IGF2BP3: variants seen among roughly 807,000 people sequenced by gnomAD.
IGF2BP3 encodes insulin like growth factor 2 mRNA binding protein 3, also known as insulin-like growth factor 2 mRNA-binding protein 3.
IGF2BP3 carries 9 observed loss-of-function variants against 73.8 expected under a neutral mutation model. The observed-to-expected ratio is 0.12, with a 90% confidence interval of 0.07 to 0.21. The LOEUF (loss-of-function observed/expected upper bound fraction) is 0.21, where lower values mean the gene tolerates loss of function less well. Among genes scored for constraint, IGF2BP3 ranks in the 10% least tolerant of loss-of-function variants. IGF2BP3 has a pLI of 1.00. For missense variants in IGF2BP3, 542 were observed against 714.0 expected (o/e 0.76, Z 2.75); for synonymous variants, 258 against 256.7 (o/e 1.01, Z -0.05).
At chr7:23,386,342 G>C (rs1786080818) in intron 3 of IGF2BP3, among the ~76,000 whole-genome samples, 1 of 152,138 alleles carries the variant, frequency 6.6e-6, no homozygotes, top group Non-Finnish European at 1.5e-5. Context: ...TTCAAGGACT[G>C]AAGCAGCAAT....
intron 1 of IGF2BP3, among the ~76,000 whole-genome samples, chr7:23,468,777 G>A (rs1030872968): frequency 6.6e-6 from 1 of 152,186 alleles, no homozygotes; most frequent in African/African-American, 2.4e-5. Flanking sequence ...TTGGGTATCA[G>A]TCCAGTCTCC....
chr7:23,457,137 C>T (rs1352067207), intron 2 of IGF2BP3, among the ~76,000 whole-genome samples: 1 of 152,090 alleles, frequency 6.6e-6, no homozygotes, highest in Non-Finnish European at 1.5e-5. Flanking sequence ...TTTGACATAA[C>T]AATTCCCAGT....
At chr7:23,465,727 C>T (rs935365968) in intron 2 of IGF2BP3, among the ~76,000 whole-genome samples, 9 of 152,166 alleles carry the variant, frequency 5.9e-5, no homozygotes, top group African/African-American at 2.2e-4. Context: ...CTCAGATGCC[C>T]ACATGATGAT....
chr7:23,319,351 G>T, intron 10 of IGF2BP3, 97 bp from the exon 11 acceptor site: 1 of 727,182 alleles, frequency 1.4e-6, no homozygotes, highest in South Asian at 1.8e-5. Flanking sequence ...CATGCAGTAG[G>T]AATACCAGGA....
intron 10 of IGF2BP3, among the ~76,000 whole-genome samples, chr7:23,331,545 A>C (rs1161726122): frequency 2.0e-5 from 3 of 152,134 alleles, no homozygotes; most frequent in African/African-American, 4.8e-5. Flanking sequence ...AACAAACAAA[A>C]AAAGAACTAC....
chr7:23,436,057 A>T (rs1229745887), intron 2 of IGF2BP3, among the ~76,000 whole-genome samples: 1 of 152,278 alleles, frequency 6.6e-6, no homozygotes, highest in Non-Finnish European at 1.5e-5. Context: ...TGCCCGGCCA[A>T]CATCTAAATT....
Position 23,347,689 on chromosome 7 carries a change from C to G in IGF2BP3, c.729G>C (p.Ser243=). The G allele has an allele frequency of 6.2e-7, 1 of 1,614,026 alleles. No homozygotes were observed. The highest frequency in any genetic ancestry group is 8.5e-7 in the Non-Finnish European group (1 of 1,180,016). ...CTTCAGGAGTAGAGAGGATAGTAATCGACTTCTCAGCAGCCCCCGCATTTT... is the reference window on the plus strand; with the variant it reads ...CTTCAGGAGTAGAGAGGATAGTAATGGACTTCTCAGCAGCCCCCGCATTTT... ...RKENAGAAEK[S]ITILSTPEGT... The change falls in exon 7 of 15, where the codon TCG becomes TCC. Residue 243 remains serine (S), a synonymous_variant. Coordinates refer to ENST00000258729, the MANE Select transcript of IGF2BP3 (RefSeq NM_006547.3).
chr7:23,390,102 T>A (rs1490845459), intron 3 of IGF2BP3, among the ~76,000 whole-genome samples: 1 of 152,198 alleles, frequency 6.6e-6, no homozygotes, highest in African/African-American at 2.4e-5. Flanking sequence ...GCATGAAGTA[T>A]GCTGGGGAGG....
At chr7:23,387,093 AAAGG>A (rs914728073) in intron 3 of IGF2BP3, among the ~76,000 whole-genome samples, 3 of 151,568 alleles carry the variant, frequency 2.0e-5, no homozygotes, top group African/African-American at 4.9e-5. Context: ...AAAGAAAGAA[AAAGG>A]AAGGAAGGAA....
intron 3 of IGF2BP3, among the ~76,000 whole-genome samples, chr7:23,363,236 T>C (rs1346674716): frequency 6.6e-6 from 1 of 152,190 alleles, no homozygotes; most frequent in East Asian, 1.9e-4. Context: ...ATAACAAGGT[T>C]TGTCTGGGGT....
At chr7:23,334,450 G>A (rs1784521273) in intron 10 of IGF2BP3, among the ~76,000 whole-genome samples, 1 of 152,228 alleles carries the variant, frequency 6.6e-6, no homozygotes, top group Non-Finnish European at 1.5e-5. Flanking sequence ...AAACTCAGCA[G>A]GCAGAGCAAA....
chr7:23,378,323 T>C (rs1310381426), intron 3 of IGF2BP3, among the ~76,000 whole-genome samples: 2 of 145,908 alleles, frequency 1.4e-5, no homozygotes, highest in African/African-American at 2.7e-5. Flanking sequence ...AAAACAAATA[T>C]CAAATCTGAA....
At chr7:23,452,595 A>C (rs1256912293) in intron 2 of IGF2BP3, among the ~76,000 whole-genome samples, 1 of 152,072 alleles carries the variant, frequency 6.6e-6, no homozygotes, top group Non-Finnish European at 1.5e-5. Flanking sequence ...CGAGGTCAGG[A>C]GTTCAAGACC....
intron 14 of IGF2BP3, 124 bp downstream of exon 14, chr7:23,312,611 T>TA (rs753047283): frequency 2.2e-6 from 2 of 893,026 alleles, no homozygotes; most frequent in South Asian, 1.4e-5. Flanking sequence ...AATCACCCGC[T>TA]AAAAGGGAGA....
chr7:23,448,619 T>C (rs1584056031), intron 2 of IGF2BP3, among the ~76,000 whole-genome samples: 1 of 98,352 alleles, frequency 1.0e-5, no homozygotes, highest in East Asian at 2.0e-4. Context: ...CCCAGGCTGT[T>C]TGTTTGTTTG....
intron 3 of IGF2BP3, among the ~76,000 whole-genome samples, chr7:23,379,193 T>A (rs1408385542): frequency 6.6e-6 from 1 of 152,200 alleles, no homozygotes; most frequent in Non-Finnish European, 1.5e-5. Context: ...CCTTTTGAAA[T>A]TTATTGGTGG....
At chr7:23,435,678 G>C (rs752941215) in intron 2 of IGF2BP3, among the ~76,000 whole-genome samples, 2 of 152,146 alleles carry the variant, frequency 1.3e-5, no homozygotes, top group South Asian at 2.1e-4. Context: ...GGATGGTCTC[G>C]ATCTCCTGAC....
intron 11 of IGF2BP3, 76 bp downstream of exon 11, chr7:23,319,062 T>G: frequency 1.1e-6 from 1 of 951,338 alleles, no homozygotes; most frequent in Non-Finnish European, 1.7e-6. Context: ...TCTATTCAAA[T>G]TATAAAGTGG....
At chr7:23,394,185 G>A (rs192764479) in intron 3 of IGF2BP3, among the ~76,000 whole-genome samples, 4 of 152,244 alleles carry the variant, frequency 2.6e-5, no homozygotes, top group African/African-American at 4.8e-5. Context: ...AAATGATAAC[G>A]CTATTTATAA....
Sources: gnomAD v4.1 joint callset for allele counts (sites outside exome capture counted in the v4.1 genomes callset) on GRCh38, gnomAD v4.1.1 for gene constraint, MANE v1.5 for transcripts, NCBI Gene and HGNC (gene_info 2026-07-23, HGNC 2026-07-21) for gene names.